The following ZNF676 variants were observed in gnomAD, a reference collection of about 807,000 sequenced individuals.
The protein encoded by ZNF676 is zinc finger protein 676.
Under a neutral mutation model 6.0 loss-of-function variants are expected in ZNF676, and 4 were observed. That is an observed-to-expected ratio of 0.67 (90% CI 0.33 to 1.53). ZNF676 has a LOEUF of 1.53. ZNF676 is among the 40% of genes most tolerant of loss of function. ZNF676 has a pLI of 0.06. For synonymous variants in ZNF676, 198 were observed against 223.1 expected (o/e 0.89, Z 1.00); for missense variants, 644 against 679.7 (o/e 0.95, Z 0.58).
At chr19:22,252,323 A>G in the ZNF676 span, among the ~76,000 whole-genome samples, 1 of 149,038 alleles carries the variant, frequency 6.7e-6, no homozygotes, top group African/African-American at 2.5e-5. Context: ...TGAACCCAGG[A>G]GGCGGAAGCT....
chr19:22,254,733 A>G, the ZNF676 span, among the ~76,000 whole-genome samples: 1 of 152,216 alleles, frequency 6.6e-6, no homozygotes, highest in Non-Finnish European at 1.5e-5. Flanking sequence ...GCCCAGTGAC[A>G]TATCACAATC....
chr19:22,247,722 T>C, the ZNF676 span, among the ~76,000 whole-genome samples: 1 of 151,948 alleles, frequency 6.6e-6, no homozygotes, highest in Non-Finnish European at 1.5e-5. Context: ...GAGGCAGAGG[T>C]TGCAGTGAGC....
rs538886928 is a variant in ZNF676, at chr19:22,214,432, C to A, written c.3+1200G>T. Among the ~76,000 whole-genome samples, 3 of 151,392 alleles carry A rather than the reference C, an allele frequency of 2.0e-5. No individual in the cohort carries two copies. The East Asian group carries it at 5.9e-4, about 30-fold the overall frequency. ...GAGTTCGAGACCAGCCTGACCAACA[C>A]GGTGAAACCCCGTCCCTATTAAAAA... On this transcript the variant is annotated intron_variant, in intron 1 of 3. Coordinates refer to the ZNF676 transcript ENST00000650058.
chr19:22,206,176 A>G (rs776274427), intron 1 of ZNF676, among the ~76,000 whole-genome samples: 7 of 152,108 alleles, frequency 4.6e-5, no homozygotes, highest in Non-Finnish European at 8.8e-5. Flanking sequence ...CTCAGGACCA[A>G]ACATACTCAC....
upstream of ZNF676, among the ~76,000 whole-genome samples, chr19:22,200,019 A>G (rs1599716158): frequency 6.8e-6 from 1 of 146,802 alleles, no homozygotes; most frequent in African/African-American, 2.4e-5. Flanking sequence ...AGGGCCAGAC[A>G]TAAATAAGGC....
chr19:22,189,143 G>A (rs1398424899), intron 2 of ZNF676, among the ~76,000 whole-genome samples: 2 of 152,098 alleles, frequency 1.3e-5, no homozygotes, highest in Non-Finnish European at 2.9e-5. Context: ...GTATGGTACT[G>A]GTATCCAAAC....
chr19:22,216,164 G>A (rs1390740075), upstream of ZNF676, among the ~76,000 whole-genome samples: 1 of 152,226 alleles, frequency 6.6e-6, no homozygotes, highest in African/African-American at 2.4e-5. Flanking sequence ...GCTGGGTGCA[G>A]TGGCTTACGC....
At chr19:22,212,516 C>G in intron 1 of ZNF676, among the ~76,000 whole-genome samples, 2 of 151,464 alleles carry the variant, frequency 1.3e-5, no homozygotes, top group Admixed American at 1.3e-4. Flanking sequence ...AACAGCCTGG[C>G]CAACATGGTG....
At chr19:22,214,042 C>T (rs1323611453) in intron 1 of ZNF676, among the ~76,000 whole-genome samples, 2 of 152,124 alleles carry the variant, frequency 1.3e-5, no homozygotes, top group African/African-American at 4.8e-5. Context: ...AAAATGATTA[C>T]AATAGGTATC....
At chr19:22,184,224 G>A (rs1372724149) in intron 2 of ZNF676, among the ~76,000 whole-genome samples, 1 of 152,152 alleles carries the variant, frequency 6.6e-6, no homozygotes, top group Non-Finnish European at 1.5e-5. Flanking sequence ...GAAGTGGGGT[G>A]CAGTGTTGCC....
At chr19:22,233,323 T>A in the ZNF676 span, among the ~76,000 whole-genome samples, 1 of 122,552 alleles carries the variant, frequency 8.2e-6, no homozygotes, top group African/African-American at 3.7e-5. Flanking sequence ...TTATTTTCTT[T>A]TTTAAGGTTT....
chr19:22,234,940 A>T, the ZNF676 span, among the ~76,000 whole-genome samples: 2 of 150,384 alleles, frequency 1.3e-5, no homozygotes, highest in Middle Eastern at 3.4e-3. Flanking sequence ...TCCAAAAAGA[A>T]GGAAAGAAAG....
chr19:22,192,313 CAA>C (rs925649142), intron 2 of ZNF676, among the ~76,000 whole-genome samples: 10 of 151,864 alleles, frequency 6.6e-5, no homozygotes, highest in Admixed American at 6.6e-5. Context: ...TGAGAGAACA[CAA>C]ATAAATTTAA....
intron 1 of ZNF676, among the ~76,000 whole-genome samples, chr19:22,206,212 T>C (rs2024075215): frequency 6.6e-6 from 1 of 152,056 alleles, no homozygotes; most frequent in South Asian, 2.1e-4. Flanking sequence ...GATGTACAAA[T>C]AGAAGCTGAT....
intron 1 of ZNF676, among the ~76,000 whole-genome samples, chr19:22,209,418 A>G (rs2024108664): frequency 6.6e-6 from 1 of 152,154 alleles, no homozygotes; most frequent in African/African-American, 2.4e-5. Flanking sequence ...ACAGAAAACC[A>G]AATGCATGTT....
the ZNF676 span, among the ~76,000 whole-genome samples, chr19:22,222,613 G>A: frequency 5.5e-3 from 831 of 152,150 alleles, 5 homozygotes; most frequent in African/African-American, 0.019. Context: ...TGTAAATTTC[G>A]TGGAGCAAAA....
At chr19:22,257,891 T>C in the ZNF676 span, among the ~76,000 whole-genome samples, 1 of 151,970 alleles carries the variant, frequency 6.6e-6, no homozygotes, top group Admixed American at 6.6e-5. Context: ...ATAAACTAGG[T>C]CCAGGGCTCA....
chr19:22,202,859 C>A (rs189918077), intron 1 of ZNF676, among the ~76,000 whole-genome samples: 1 of 152,142 alleles, frequency 6.6e-6, no homozygotes, highest in Non-Finnish European at 1.5e-5. Flanking sequence ...CAACTTGAAC[C>A]CCAGGGCCTG....
upstream of ZNF676, among the ~76,000 whole-genome samples, chr19:22,219,084 G>A (rs1437065195): frequency 2.8e-5 from 4 of 142,746 alleles, no homozygotes; most frequent in East Asian, 2.0e-4. Context: ...GTATCAGATC[G>A]AAAAGTTTTT....
Sources: gnomAD v4.1 joint callset for allele counts (sites outside exome capture counted in the v4.1 genomes callset) on GRCh38, gnomAD v4.1.1 for gene constraint, MANE v1.5 for transcripts, NCBI Gene and HGNC (gene_info 2026-07-23, HGNC 2026-07-21) for gene names.